HSPA14: variants seen among roughly 807,000 people sequenced by gnomAD.
The protein encoded by HSPA14 is heat shock protein family A (Hsp70) member 14, also known as heat shock 70 kDa protein 14.
In HSPA14, 37 loss-of-function variants were observed where a neutral mutation model predicts 65.5. That is an observed-to-expected ratio of 0.56 (90% CI 0.43 to 0.74). The LOEUF is 0.74. HSPA14 is among the 30% of genes least tolerant of loss of function. The pLI, the probability that HSPA14 is intolerant of heterozygous loss-of-function variation, is 0.00. For synonymous variants in HSPA14, 203 were observed against 214.2 expected, an observed-to-expected ratio of 0.95 and a Z score of 0.46; for missense variants, 564 against 607.6, an observed-to-expected ratio of 0.93 and a Z score of 0.75.
chr10:14,852,509 T>C lies in HSPA14; in HGVS notation c.712T>C (p.Tyr238His), dbSNP rs769486646. The C allele has an allele frequency of 7.4e-6, 12 of 1,612,670 alleles. No homozygotes were observed. ...GAHFTETLAQ[Y>H]LASEFQRSFK... ...ACATTTCACAGAAACCTTAGCACAG[T>C]ATCTAGCTTCTGAGTTCCAAAGGTG... is the stretch of plus-strand genomic sequence containing the variant. Residue 238 changes from tyrosine to histidine, a missense_variant, in exon 8 of 14, where the codon TAT (tyrosine) becomes CAT (histidine). By Grantham distance (83) the Tyr-to-His change is moderately conservative (BLOSUM62 2). Transcript: ENST00000378372.
intron 3 of HSPA14, chr10:14,844,827 G>T: frequency 2.0e-6 from 2 of 985,364 alleles, no homozygotes; most frequent in Non-Finnish European, 2.4e-6. Flanking sequence ...AAACAATTCA[G>T]ATTATATCAG....
Position 14,870,641 on chromosome 10 carries a change from T to C in HSPA14, c.1425T>C (p.Asp475=), listed in dbSNP as rs774970612. 6.3e-7 allele frequency: 1 copy of C among 1,582,450 alleles called. No individual in the cohort carries two copies. Among genetic ancestry groups the C allele is most frequent in the Non-Finnish European group, 8.6e-7 (1 of 1,157,728 alleles). ...DLDKKENGLR[D]ILAVLTMKRD... is the part of the protein sequence containing the mutation. Reference sequence around the variant, plus strand: ...ATAAAAAAGAAAATGGATTACGTGATATATTAGCTGTTCTTACTATGAAAA... The same window carrying C: ...ATAAAAAAGAAAATGGATTACGTGACATATTAGCTGTTCTTACTATGAAAA... Residue 475 remains aspartate, a synonymous_variant, in exon 13 of 14, where the codon GAT becomes GAC. Transcript: ENST00000378372.
chr10:14,848,491 C>A, intron 3 of HSPA14, 118 bp from the exon 4 acceptor site: 1 of 650,756 alleles, frequency 1.5e-6, no homozygotes, highest in Non-Finnish European at 2.6e-6. Flanking sequence ...AGCTTAATAA[C>A]TTTGTTAATA....
In HSPA14 at chr10:14,865,731, A is replaced by G. The variant is rs11813103; in HGVS notation, c.994-1352A>G. Reference sequence around the variant, plus strand: ...ATGCTGTTTTGGTTACTGTAGCGTTATAGTATAGTTTGAAGTCAGGTACTC... The same window carrying G: ...ATGCTGTTTTGGTTACTGTAGCGTTGTAGTATAGTTTGAAGTCAGGTACTC... On this transcript the variant is annotated intron_variant, in intron 10 of 13. Transcript: ENST00000378372. Among the ~76,000 whole-genome samples, 1,260 of 152,216 alleles carry G rather than the reference A, an allele frequency of 8.3e-3. 22 individuals carry two copies. Among genetic ancestry groups the G allele is most frequent in the African/African-American group, 0.029 (1,185 of 41,536 alleles).
At chr10:14,844,276 T>G (rs1017667300) in intron 3 of HSPA14, 1 of 1,083,582 alleles carries the variant, frequency 9.2e-7, no homozygotes, top group Non-Finnish European at 1.1e-6. Context: ...TTCATAGATG[T>G]GAAAGGGTTT....
In HSPA14 at chr10:14,843,431, C is replaced by G. The variant is rs889114335; in HGVS notation, c.221+3274C>G. 7 of 1,550,822 alleles carry G rather than the reference C, an allele frequency of 4.5e-6. No homozygotes were observed. In the Admixed American group the frequency reaches 1.4e-4, roughly 30 times the overall value. ...CACAGCCTTTTCAGAGGTGCAGTTG[C>G]TCCCTGTCAGAGCAGCCCCATGGCC... On this transcript the variant is annotated intron_variant, in intron 3 of 13. Transcript: ENST00000378372.
intron 10 of HSPA14, among the ~76,000 whole-genome samples, chr10:14,859,554 G>C (rs1832735050): frequency 6.6e-6 from 1 of 152,140 alleles, no homozygotes. Flanking sequence ...AAATGAATAT[G>C]GTTAATCCCT....
chr10:14,838,591 C>G (rs572563940), intron 1 of HSPA14, 132 bp downstream of exon 1: 2 of 879,120 alleles, frequency 2.3e-6, no homozygotes, highest in East Asian at 2.9e-5. Flanking sequence ...CGCGAGGACA[C>G]TCCGGAGCGA....
intron 6 of HSPA14, chr10:14,850,765 A>G (rs1208416106): frequency 6.5e-6 from 1 of 152,996 alleles, no homozygotes; most frequent in East Asian, 1.9e-4. Flanking sequence ...GGTTGAATAA[A>G]TAGAGATAAA....
At chr10:14,846,262 A>G in intron 3 of HSPA14, 1 of 985,424 alleles carries the variant, frequency 1.0e-6, no homozygotes, top group Non-Finnish European at 1.2e-6. Context: ...CTGGAAACAC[A>G]GAAGTACTTG....
intron 3 of HSPA14, among the ~76,000 whole-genome samples, chr10:14,848,300 C>A (rs1834079978): frequency 6.7e-6 from 1 of 150,356 alleles, no homozygotes; most frequent in African/African-American, 2.5e-5. Flanking sequence ...AACTATGATA[C>A]AAAATCATGG....
At chr10:14,864,784 T>C (rs1484935721) in intron 10 of HSPA14, among the ~76,000 whole-genome samples, 1 of 152,242 alleles carries the variant, frequency 6.6e-6, no homozygotes, top group Non-Finnish European at 1.5e-5. Flanking sequence ...GCAATGAACA[T>C]ATGTGTGCAT....
chr10:14,866,653 T>G, intron 10 of HSPA14, among the ~76,000 whole-genome samples: 1 of 152,198 alleles, frequency 6.6e-6, no homozygotes, highest in East Asian at 1.9e-4. Context: ...AATAAGTTTA[T>G]GGCATAGTTT....
chr10:14,866,846 G>A (rs2131649437), intron 10 of HSPA14, among the ~76,000 whole-genome samples: 1 of 152,214 alleles, frequency 6.6e-6, no homozygotes, highest in Non-Finnish European at 1.5e-5. Context: ...GTAATAAATG[G>A]TGAGATTTCC....
intron 3 of HSPA14, chr10:14,844,504 T>G: frequency 1.0e-6 from 1 of 981,820 alleles, no homozygotes; most frequent in Non-Finnish European, 1.2e-6. Context: ...AAGCACAACC[T>G]GTATTTGTAC....
At chr10:14,838,811 GA>G (rs1017750887) in intron 1 of HSPA14, among the ~76,000 whole-genome samples, 2 of 152,060 alleles carry the variant, frequency 1.3e-5, no homozygotes, top group Non-Finnish European at 2.9e-5. Flanking sequence ...GGGTCCCGGG[GA>G]CGGCGGGGCT....
intron 3 of HSPA14, chr10:14,845,645 G>A (rs1834040288): frequency 3.4e-6 from 2 of 580,494 alleles, no homozygotes; most frequent in Non-Finnish European, 4.3e-6. Flanking sequence ...CCAGGCTGGG[G>A]TGCAGTGGTG....
chr10:14,861,438 G>A lies in HSPA14; in HGVS notation c.993+5495G>A, dbSNP rs140306881. On this transcript the variant is annotated intron_variant, in intron 10 of 13. Coordinates refer to ENST00000378372, the MANE Select transcript of HSPA14 (RefSeq NM_016299.4). ...TCTCCCAGGCTCAAGCGACCCTCCC[G>A]CCTCAGCCTCCTGAGTAGCTGGGAC... Among the ~76,000 whole-genome samples, 363 of 152,154 alleles carry A rather than the reference G, an allele frequency of 2.4e-3. 12 individuals are homozygous for A. The East Asian group carries it at 0.065, about 27-fold the overall frequency.
chr10:14,854,222 G>A lies in HSPA14; in HGVS notation c.832G>A (p.Ala278Thr). Residue 278 changes from alanine to threonine, a missense_variant, in exon 9 of 14, where the codon GCC becomes ACC. Coordinates refer to ENST00000378372, the MANE Select transcript of HSPA14 (RefSeq NM_016299.4). ...AKHSLSTLGS[A>T]NCFLDSLYEG... The stretch of plus-strand genomic sequence containing the variant: ...ACATTCTTTGTCAACCTTGGGAAGT[G>A]CCAACTGTTTTCTTGACTCATTATA... 1 of 1,613,626 alleles carries A rather than the reference G, an allele frequency of 6.2e-7. No homozygotes were observed. Among genetic ancestry groups the A allele is most frequent in the Non-Finnish European group, 8.5e-7 (1 of 1,179,800 alleles).
Sources: gnomAD v4.1 joint callset for allele counts (sites outside exome capture counted in the v4.1 genomes callset) on GRCh38, gnomAD v4.1.1 for gene constraint, MANE v1.5 for transcripts, NCBI Gene and HGNC (gene_info 2026-07-23, HGNC 2026-07-21) for gene names.